TANGO6: variants seen among roughly 807,000 people sequenced by gnomAD.
TANGO6 encodes transport and Golgi organization protein 6 homolog.
In TANGO6, 90 loss-of-function variants were observed where a neutral mutation model predicts 114.2. The ratio of observed to expected loss-of-function variants is 0.79; its 90% CI spans 0.66 to 0.94. The LOEUF is 0.94. Among genes scored for constraint, TANGO6 ranks in the 40% least tolerant of loss-of-function variants. The pLI is 0.00. For missense variants in TANGO6, 1,274 were observed against 1,315.3 expected, an observed-to-expected ratio of 0.97 and a Z score of 0.49; for synonymous variants, 477 against 509.8, an observed-to-expected ratio of 0.94 and a Z score of 0.87.
intron 14 of TANGO6, among the ~76,000 whole-genome samples, chr16:68,947,464 T>C (rs758756528): frequency 1.3e-4 from 19 of 151,842 alleles, no homozygotes; most frequent in Admixed American, 5.9e-4. Context: ...AAAAAAAAAT[T>C]AAAAAGATGT....
At chr16:68,883,409 A>C (rs1266613213) in intron 7 of TANGO6, among the ~76,000 whole-genome samples, 1 of 152,194 alleles carries the variant, frequency 6.6e-6, no homozygotes, top group Non-Finnish European at 1.5e-5. Context: ...GAATTGTACA[A>C]TATGTGTTTT....
At chr16:68,913,544 G>T (rs982360457) in intron 11 of TANGO6, among the ~76,000 whole-genome samples, 1 of 151,230 alleles carries the variant, frequency 6.6e-6, no homozygotes, top group African/African-American at 2.4e-5. Context: ...GAGTAGCTAG[G>T]ATTATAGGCA....
intron 6 of TANGO6, among the ~76,000 whole-genome samples, chr16:68,880,133 C>T (rs768392732): frequency 2.6e-5 from 4 of 151,800 alleles, no homozygotes; most frequent in Non-Finnish European, 4.4e-5. Context: ...CCACCACACC[C>T]GGCTAACTTC....
intron 17 of TANGO6, among the ~76,000 whole-genome samples, chr16:69,048,258 ATT>A (rs71383949): frequency 0.074 from 8,221 of 111,302 alleles, 90 homozygotes; most frequent in Non-Finnish European, 0.086. Context: ...AATTTTTTGT[ATT>A]TTTTTTTTTT....
intron 15 of TANGO6, among the ~76,000 whole-genome samples, chr16:68,982,198 G>A (rs1372734568): frequency 2.0e-5 from 3 of 152,100 alleles, no homozygotes; most frequent in South Asian, 2.1e-4. Flanking sequence ...GTTAAATCCA[G>A]GGCTGCCACA....
intron 2 of TANGO6, 35 bp downstream of exon 2, chr16:68,860,559 T>G: frequency 6.3e-7 from 1 of 1,597,668 alleles, no homozygotes; most frequent in Non-Finnish European, 8.5e-7. Context: ...AGGGAGAGAT[T>G]GTGTGTGTAT....
At chr16:68,983,201 C>T (rs141346227) in intron 15 of TANGO6, among the ~76,000 whole-genome samples, 85 of 152,114 alleles carry the variant, frequency 5.6e-4, no homozygotes, top group African/African-American at 1.8e-3. Flanking sequence ...CAGTTTGGGT[C>T]GGAAATCCTT....
chr16:68,907,888 T>C (rs1257569183), intron 10 of TANGO6, among the ~76,000 whole-genome samples: 4 of 152,210 alleles, frequency 2.6e-5, no homozygotes, highest in Non-Finnish European at 4.4e-5. Flanking sequence ...GTAAGAACTC[T>C]TTTGAAGTTA....
Position 69,022,925 on chromosome 16 carries a change from C to G in TANGO6, c.2940C>G (p.Asn980Lys). The G allele has an allele frequency of 6.2e-7, 1 of 1,604,756 alleles. No homozygotes were observed. Among genetic ancestry groups the G allele is most frequent in the Non-Finnish European group, 8.5e-7 (1 of 1,175,856 alleles). Residue 980 changes from asparagine to lysine, a missense_variant, in exon 16 of 18, where the codon AAC becomes AAG. By Grantham distance (94) the Asn-to-Lys change is moderately conservative. Around this residue, in one of 5 missense-constraint regions of TANGO6, gnomAD observed 238 missense variants for 252.9 expected, o/e 0.94. Transcript: ENST00000261778. ...DGAHRASSLA[N>K]LGELCQRLDF... Reference sequence around the variant, plus strand: ...CTCACAGGGCCAGCAGCTTGGCCAACCTTGGGGAGCTGTGCCAGAGGCTGG... The same window carrying G: ...CTCACAGGGCCAGCAGCTTGGCCAAGCTTGGGGAGCTGTGCCAGAGGCTGG...
At chr16:69,080,636 T>A (rs932104164) in intron 17 of TANGO6, among the ~76,000 whole-genome samples, 3 of 152,220 alleles carry the variant, frequency 2.0e-5, no homozygotes, top group Non-Finnish European at 2.9e-5. Flanking sequence ...ATGAATGATG[T>A]CCTCTGAGAA....
chr16:68,919,110 T>C lies in TANGO6; in HGVS notation c.2018T>C (p.Leu673Ser), dbSNP rs1362414350. ...GTGGTGGACTTTGTAGCAGCAACAT[T>C]GCAGAGAGCCTGTGCAAGCCTGGCC... ...TQVVDFVAAT[L>S]QRACASLAHQ... The change falls in exon 12 of 18, where the codon TTG becomes TCG. Residue 673 changes from leucine to serine, a missense_variant. Physicochemically the swap from Leu to Ser is moderately radical, Grantham distance 145. Transcript: ENST00000261778. 1.2e-6 allele frequency: 2 copies of C among 1,613,450 alleles called. No individual in the cohort carries two copies. Among genetic ancestry groups the C allele is most frequent in the Admixed American group, 1.7e-5 (1 of 59,900 alleles).
chr16:68,849,971 C>CTT (rs560571416), intron 1 of TANGO6, among the ~76,000 whole-genome samples: 91 of 114,814 alleles, frequency 7.9e-4, no homozygotes, highest in Non-Finnish European at 1.0e-3. Flanking sequence ...TCTAGCGGTT[C>CTT]TTTTTTTTTT....
chr16:69,027,536 G>A (rs1959522649), intron 16 of TANGO6, among the ~76,000 whole-genome samples: 1 of 151,828 alleles, frequency 6.6e-6, no homozygotes, highest in Non-Finnish European at 1.5e-5. Context: ...TGTTTTAGAT[G>A]GATTTAGCAA....
At chr16:68,868,515 T>TTTTTTTTTAAA in intron 4 of TANGO6, among the ~76,000 whole-genome samples, 1 of 133,218 alleles carries the variant, frequency 7.5e-6, no homozygotes. Flanking sequence ...TTTTTTTTTT[T>TTTTTTTTTAAA]GAGACAGAGT....
At chr16:68,965,047 A>G (rs754934030) in intron 14 of TANGO6, among the ~76,000 whole-genome samples, 1 of 152,236 alleles carries the variant, frequency 6.6e-6, no homozygotes, top group Non-Finnish European at 1.5e-5. Flanking sequence ...ATAGATTTCT[A>G]GAGTAGAATT....
intron 16 of TANGO6, chr16:69,035,529 A>T (rs1336806101): frequency 6.6e-6 from 1 of 152,100 alleles, no homozygotes; most frequent in African/African-American, 2.4e-5. Context: ...ATCTTTATTT[A>T]TATAGTTCTG....
intron 1 of TANGO6, among the ~76,000 whole-genome samples, chr16:68,850,451 G>A (rs1351559679): frequency 2.6e-5 from 4 of 151,928 alleles, no homozygotes; most frequent in Admixed American, 6.6e-5. Flanking sequence ...TACTCATCCA[G>A]GTCTATAATC....
chr16:69,060,536 G>A (rs1043228204), intron 17 of TANGO6, among the ~76,000 whole-genome samples: 24 of 151,286 alleles, frequency 1.6e-4, no homozygotes, highest in Non-Finnish European at 3.2e-4. Flanking sequence ...TGAAGGCTAC[G>A]GTGAATTATC....
At chr16:69,064,048 G>A (rs1367713755) in intron 17 of TANGO6, among the ~76,000 whole-genome samples, 3 of 151,838 alleles carry the variant, frequency 2.0e-5, no homozygotes, top group Non-Finnish European at 2.9e-5. Context: ...TGTTGGCCAG[G>A]CTGGTCTCAA....
Sources: gnomAD v4.1 joint callset for allele counts (sites outside exome capture counted in the v4.1 genomes callset) on GRCh38, gnomAD v4.1.1 for gene constraint, gnomAD v4.1.1 regional missense constraint, MANE v1.5 for transcripts, NCBI Gene and HGNC (gene_info 2026-07-23, HGNC 2026-07-21) for gene names.